Variants in TMPRSS7 observed in about 807,000 individuals in gnomAD.
The protein encoded by TMPRSS7 is transmembrane protease serine 7.
In TMPRSS7, 81 loss-of-function variants were observed where a neutral mutation model predicts 95.6. The observed-to-expected ratio is 0.85, with a 90% CI of 0.71 to 1.02. TMPRSS7 has a LOEUF of 1.02. Ranked by LOEUF, TMPRSS7 falls within the 50% of genes least tolerant of loss-of-function variation. The pLI is 0.00. For synonymous variants in TMPRSS7, 364 were observed against 337.8 expected (o/e 1.08, Z -0.85); for missense variants, 945 against 955.2 (o/e 0.99, Z 0.14).
exon 2 of TMPRSS7, chr3:112,038,260 C>T: frequency 1.4e-6 from 1 of 702,934 alleles, no homozygotes; most frequent in South Asian, 1.5e-5. Flanking sequence ...AAATCATTCT[C>T]TTCACAGTAT....
chr3:112,044,226 C>G lies in TMPRSS7; in HGVS notation c.430-29C>G, dbSNP rs1344440668. 20 of 1,460,880 alleles carry G rather than the reference C, an allele frequency of 1.4e-5. No individual in the cohort carries two copies. The Middle Eastern group carries it at 8.6e-4, about 63-fold the overall frequency. 90.5% of individuals were successfully genotyped at this position (1,460,880 alleles called of 1,614,324 possible). ...GTAAAAGGAAGTCAAGTATGAAATA[C>G]TTCAGATACCTCAACTATTCTTTTT... On this transcript the variant is annotated intron_variant, in intron 3 of 17. Transcript: ENST00000452346.
At chr3:112,052,272 G>A (rs762698575) in intron 9 of TMPRSS7, among the ~76,000 whole-genome samples, 19 of 152,006 alleles carry the variant, frequency 1.2e-4, no homozygotes, top group Non-Finnish European at 2.5e-4. Context: ...GAAAGATGAC[G>A]GAACTAACCT....
intron 13 of TMPRSS7, among the ~76,000 whole-genome samples, chr3:112,071,532 G>C (rs2073646079): frequency 6.6e-6 from 1 of 152,218 alleles, no homozygotes; most frequent in Non-Finnish European, 1.5e-5. Flanking sequence ...ATAATATCCT[G>C]CAGAGTGTTT....
chr3:112,039,604 T>A (rs1464686476), intron 2 of TMPRSS7: 1 of 152,192 alleles, frequency 6.6e-6, no homozygotes, highest in Admixed American at 6.6e-5. Context: ...GCTTCCAGGT[T>A]GGTGAACATA....
At position 112,055,452 on chromosome 3, in the gene TMPRSS7, C is replaced by CGG. The variant is rs2073421009; in HGVS notation, c.1204-1573_1204-1572insGG. On this transcript the variant is annotated intron_variant, in intron 9 of 17. Transcript: ENST00000452346. ...CATTGGAAACAAGCAAACACTTGCG[C>CGG]AGACACACACACAGACACACACACA... Among the ~76,000 whole-genome samples, 6 of 81,092 alleles carry CGG rather than the reference C, an allele frequency of 7.4e-5. No individual in the cohort carries two copies. In the South Asian group the frequency reaches 4.3e-3, roughly 58 times the overall value. The allele number at this position is 81,092 out of a possible 152,430, so 53.2% of individuals were successfully genotyped here.
At chr3:112,075,284 G>A (rs372607713) in intron 14 of TMPRSS7, 37 bp from the exon 15 acceptor site, 2 of 1,365,652 alleles carry the variant, frequency 1.5e-6, no homozygotes, top group Non-Finnish European at 1.9e-6. Flanking sequence ...TTTCTTCCAA[G>A]TCTACCTTTA....
intron 2 of TMPRSS7, among the ~76,000 whole-genome samples, chr3:112,040,100 T>A (rs995726304): frequency 6.6e-6 from 1 of 151,732 alleles, no homozygotes; most frequent in Non-Finnish European, 1.5e-5. Context: ...TTTTCCTAGA[T>A]GTACTCTCAG....
chr3:112,050,382 T>C (rs936060257), intron 8 of TMPRSS7, among the ~76,000 whole-genome samples: 4 of 152,152 alleles, frequency 2.6e-5, no homozygotes, highest in African/African-American at 7.2e-5. Flanking sequence ...TGCTGGTGTC[T>C]CTGAGTTCAG....
Position 112,077,862 on chromosome 3 carries a change from G to A in TMPRSS7, c.2224+718G>A, listed in dbSNP as rs79325822. On this transcript the variant is annotated intron_variant, in intron 16 of 17. Transcript: ENST00000452346. The stretch of plus-strand genomic sequence containing the variant: ...TATATAGTGAGGGGAAGAATCCAAT[G>A]CTTTGTGAATGTATCCCCAAACGCT... Among the ~76,000 whole-genome samples, 581 of 152,288 alleles carry A rather than the reference G, an allele frequency of 3.8e-3. 4 individuals carry two copies. Among genetic ancestry groups the A allele is most frequent in the African/African-American group, 0.013 (539 of 41,562 alleles).
Position 112,046,963 on chromosome 3 carries a change from T to C in TMPRSS7, c.692-11T>C, listed in dbSNP as rs1354604514. 3 of 702,604 alleles carry C rather than the reference T, an allele frequency of 4.3e-6. No individual in the cohort carries two copies. Among genetic ancestry groups the C allele is most frequent in the Admixed American group, 2.0e-5 (1 of 49,956 alleles). 43.5% of individuals were successfully genotyped at this position (702,604 alleles called of 1,614,324 possible). A position where few individuals can be genotyped will look rare whatever the true frequency, so the allele number is the denominator to read the frequency against. ...GGATTCAATCTCTTCTCATGTGCTT[T>C]TTCAATGCAGCTGGGCTTCGGTCGG... On this transcript the variant is annotated splice_polypyrimidine_tract_variant and intron_variant, in intron 5 of 17. Coordinates refer to ENST00000452346, the Ensembl canonical transcript of TMPRSS7.
chr3:112,046,050 C>A, intron 5 of TMPRSS7, 107 bp downstream of exon 5: 2 of 997,524 alleles, frequency 2.0e-6, no homozygotes, highest in Non-Finnish European at 2.9e-6. Flanking sequence ...GGGATTACCC[C>A]ACAATCCCAG....
At chr3:112,054,314 T>C (rs2073402886) in intron 9 of TMPRSS7, among the ~76,000 whole-genome samples, 1 of 152,200 alleles carries the variant, frequency 6.6e-6, no homozygotes, top group South Asian at 2.1e-4. Flanking sequence ...AAGTTCCCAA[T>C]GCAAAGGCAG....
chr3:112,049,314 T>C (rs2107742062), intron 7 of TMPRSS7, among the ~76,000 whole-genome samples: 2 of 152,354 alleles, frequency 1.3e-5, no homozygotes, highest in Admixed American at 1.3e-4. Flanking sequence ...AATAAATCCC[T>C]GCTTTCCTTT....
At chr3:112,038,252 A>G in exon 2 of TMPRSS7, 1 of 702,918 alleles carries the variant, frequency 1.4e-6, no homozygotes, top group South Asian at 1.5e-5. Context: ...ACAAAATAAA[A>G]TCATTCTCTT....
intron 2 of TMPRSS7, among the ~76,000 whole-genome samples, chr3:112,041,532 G>A (rs960040651): frequency 2.6e-5 from 4 of 151,822 alleles, no homozygotes; most frequent in Non-Finnish European, 4.4e-5. Flanking sequence ...GCTAAGCCAG[G>A]CACTCCCTGC....
At chr3:112,063,728 T>C in intron 12 of TMPRSS7, 96 bp downstream of exon 12, 2 of 1,065,316 alleles carry the variant, frequency 1.9e-6, no homozygotes, top group Non-Finnish European at 2.9e-6. Context: ...TTTGTAGTTA[T>C]TATCTATTAC....
At chr3:112,062,124 C>T (rs1261798456) in intron 11 of TMPRSS7, among the ~76,000 whole-genome samples, 3 of 151,394 alleles carry the variant, frequency 2.0e-5, no homozygotes, top group Non-Finnish European at 4.4e-5. Context: ...TTTATTACTA[C>T]TATACTTTGA....
In TMPRSS7 at chr3:112,080,902, T is replaced by G. The variant is rs763333966; in HGVS notation, c.2362-12T>G. The G allele has an allele frequency of 8.7e-6, 14 of 1,603,970 alleles. No individual in the cohort carries two copies. In the African/African-American group the frequency reaches 1.5e-4, roughly 17 times the overall value. On this transcript the variant is annotated splice_polypyrimidine_tract_variant and intron_variant, in intron 17 of 17. Transcript: ENST00000452346. ...CCAATTTACTTTATACTTACATTTT[T>G]TGTGTGTGTAGGGAGATTCGGGTGG...
chr3:112,053,584 T>C (rs1226022163), intron 9 of TMPRSS7, among the ~76,000 whole-genome samples: 2 of 152,276 alleles, frequency 1.3e-5, no homozygotes, highest in Non-Finnish European at 2.9e-5. Flanking sequence ...GTTTGTATTC[T>C]GTTGTCTATA....
Sources: allele counts gnomAD v4.1 joint callset (sites outside exome capture counted in the v4.1 genomes callset), GRCh38; gene constraint gnomAD v4.1.1; transcripts MANE v1.5; gene names NCBI Gene and HGNC (gene_info 2026-07-23, HGNC 2026-07-21).